MAP2: variants seen among roughly 807,000 people sequenced by gnomAD.
MAP2 encodes microtubule associated protein 2.
Under a neutral mutation model 137.6 loss-of-function variants are expected in MAP2, and 14 were observed. The observed-to-expected ratio is 0.10, with a 90% CI of 0.07 to 0.16. The LOEUF is 0.16. Among genes scored for constraint, MAP2 ranks in the 10% least tolerant of loss-of-function variants. The pLI is 1.00. For synonymous variants in MAP2, 786 were observed against 782.3 expected (o/e 1.00, Z -0.08); for missense variants, 2,088 against 2,191.5 (o/e 0.95, Z 0.94).
intron 1 of MAP2, among the ~76,000 whole-genome samples, chr2:209,434,839 A>ATGT (rs1245940769): frequency 3.5e-5 from 4 of 115,008 alleles, no homozygotes; most frequent in Non-Finnish European, 3.6e-5. Flanking sequence ...CTCTCTATAT[A>ATGT]TATATATATG....
chr2:209,550,043 T>A (rs1206407849), intron 2 of MAP2, among the ~76,000 whole-genome samples: 1 of 152,232 alleles, frequency 6.6e-6, no homozygotes, highest in African/African-American at 2.4e-5. Context: ...TTTAAAGGCA[T>A]TTTTAATAGT....
chr2:209,660,910 ATT>A (rs1297790238), intron 5 of MAP2, among the ~76,000 whole-genome samples: 12 of 110,094 alleles, frequency 1.1e-4, no homozygotes, highest in Admixed American at 9.6e-5. Flanking sequence ...AATTTTTTGT[ATT>A]TTTTTTTTTT....
At chr2:209,514,685 A>T (rs2062210361) in intron 2 of MAP2, among the ~76,000 whole-genome samples, 1 of 152,106 alleles carries the variant, frequency 6.6e-6, no homozygotes, top group Admixed American at 6.6e-5. Flanking sequence ...TATGTAAGAA[A>T]TTCTTTATAT....
chr2:209,673,301 T>A (rs2153667648), intron 5 of MAP2, among the ~76,000 whole-genome samples: 1 of 151,944 alleles, frequency 6.6e-6, no homozygotes, highest in Non-Finnish European at 1.5e-5. Context: ...TGACGTGACT[T>A]TACAGGCATG....
intron 3 of MAP2, among the ~76,000 whole-genome samples, chr2:209,591,687 T>G (rs2079293942): frequency 6.6e-6 from 1 of 152,194 alleles, no homozygotes; most frequent in Non-Finnish European, 1.5e-5. Flanking sequence ...GAAAACCATT[T>G]TGATAATTGC....
At chr2:209,474,952 C>T (rs1706808082) in intron 1 of MAP2, among the ~76,000 whole-genome samples, 1 of 151,930 alleles carries the variant, frequency 6.6e-6, no homozygotes, top group African/African-American at 2.4e-5. Flanking sequence ...ATATCTTTTT[C>T]ACTTTTTGCA....
intron 1 of MAP2, among the ~76,000 whole-genome samples, chr2:209,499,826 AG>A (rs1032813551): frequency 6.6e-6 from 1 of 152,100 alleles, no homozygotes; most frequent in African/African-American, 2.4e-5. Flanking sequence ...CACACTTTTA[AG>A]TGACTGGATT....
At chr2:209,722,766 A>G (rs73074722) in intron 13 of MAP2, among the ~76,000 whole-genome samples, 11,054 of 152,268 alleles carry the variant, frequency 0.073, 763 homozygotes, top group African/African-American at 0.18. Context: ...TTCAAGATGA[A>G]TGTTTGACTT....
At chr2:209,714,482 A>G (rs2066739589) in intron 13 of MAP2, among the ~76,000 whole-genome samples, 2 of 152,190 alleles carry the variant, frequency 1.3e-5, no homozygotes, top group Admixed American at 6.5e-5. Flanking sequence ...CTTTTTGAAG[A>G]AAAAACAGTA....
chr2:209,624,201 G>A (rs1337452439), intron 3 of MAP2, among the ~76,000 whole-genome samples: 1 of 152,092 alleles, frequency 6.6e-6, no homozygotes, highest in Non-Finnish European at 1.5e-5. Flanking sequence ...TACCTGTAGA[G>A]CAACATCTTC....
chr2:209,502,331 G>A (rs72997636), intron 1 of MAP2, among the ~76,000 whole-genome samples: 9,484 of 152,222 alleles, frequency 0.062, 411 homozygotes, highest in Non-Finnish European at 0.097. Flanking sequence ...ACATAAGTGA[G>A]ATTATGCAGT....
At chr2:209,484,902 C>G (rs10167168) in intron 1 of MAP2, among the ~76,000 whole-genome samples, 7 of 152,142 alleles carry the variant, frequency 4.6e-5, no homozygotes, top group African/African-American at 7.2e-5. Flanking sequence ...AAGAAATCTT[C>G]TTAAAGAACT....
At chr2:209,716,123 A>G (rs1377321790) in intron 13 of MAP2, among the ~76,000 whole-genome samples, 2 of 152,178 alleles carry the variant, frequency 1.3e-5, no homozygotes, top group Non-Finnish European at 2.9e-5. Context: ...TGTACTCTCT[A>G]TACTGTAACC....
intron 1 of MAP2, among the ~76,000 whole-genome samples, chr2:209,496,304 C>T (rs1039765010): frequency 1.3e-5 from 2 of 152,110 alleles, no homozygotes; most frequent in African/African-American, 4.8e-5. Flanking sequence ...CAGGGTATGG[C>T]ATTCATTAAG....
At chr2:209,567,616 T>C (rs909248276) in intron 2 of MAP2, among the ~76,000 whole-genome samples, 2 of 151,968 alleles carry the variant, frequency 1.3e-5, no homozygotes, top group Admixed American at 6.6e-5. Context: ...AGTTCCGTTT[T>C]ACAGAATATT....
At chr2:209,543,371 C>T (rs939822321) in intron 2 of MAP2, among the ~76,000 whole-genome samples, 4 of 152,166 alleles carry the variant, frequency 2.6e-5, no homozygotes, top group Admixed American at 6.5e-5. Flanking sequence ...GCTTGAATTA[C>T]TTTGAGAATT....
intron 12 of MAP2, among the ~76,000 whole-genome samples, chr2:209,708,114 A>G (rs994518533): frequency 1.3e-5 from 2 of 152,204 alleles, no homozygotes; most frequent in Non-Finnish European, 2.9e-5. Context: ...AGTAATAGAG[A>G]AAACATTCAA....
chr2:209,441,306 A>C (rs947604643), intron 1 of MAP2, among the ~76,000 whole-genome samples: 1 of 148,440 alleles, frequency 6.7e-6, no homozygotes, highest in East Asian at 1.9e-4. Flanking sequence ...ACATAATACC[A>C]CGTTTTATTT....
chr2:209,476,335 T>G (rs1707209121), intron 1 of MAP2, among the ~76,000 whole-genome samples: 1 of 152,068 alleles, frequency 6.6e-6, no homozygotes, highest in Non-Finnish European at 1.5e-5. Context: ...AAGAGATCCA[T>G]TTACAGAAAG....
Sources: gnomAD v4.1 joint callset for allele counts (sites outside exome capture counted in the v4.1 genomes callset) on GRCh38, gnomAD v4.1.1 for gene constraint, MANE v1.5 for transcripts, NCBI Gene and HGNC (gene_info 2026-07-23, HGNC 2026-07-21) for gene names.